The following XKR4 variants were observed in gnomAD, a reference collection of about 807,000 sequenced individuals.
The protein encoded by XKR4 is XK-related protein 4.
A neutral mutation model predicts 53.9 loss-of-function variants in XKR4; 12 were observed. The ratio of observed to expected loss-of-function variants is 0.22; its 90% CI spans 0.14 to 0.36. XKR4 has a LOEUF of 0.36. Ranked by LOEUF, XKR4 falls within the 10% of genes least tolerant of loss-of-function variation. XKR4 has a pLI of 1.00. For missense variants in XKR4, 799 were observed against 859.5 expected (o/e 0.93, Z 0.88); for synonymous variants, 354 against 362.4 (o/e 0.98, Z 0.26).
intron 2 of XKR4, among the ~76,000 whole-genome samples, chr8:55,382,423 T>C (rs951096931): frequency 2.6e-5 from 4 of 152,226 alleles, no homozygotes; most frequent in African/African-American, 7.2e-5. Flanking sequence ...ACTGAATTAC[T>C]GAAGGGTGAT....
chr8:55,292,631 C>T (rs1819046376), intron 1 of XKR4, among the ~76,000 whole-genome samples: 1 of 151,934 alleles, frequency 6.6e-6, no homozygotes, highest in Non-Finnish European at 1.5e-5. Flanking sequence ...TTTTTAATTT[C>T]ATTGATTTCT....
chr8:55,207,295 A>G (rs1259414247), intron 1 of XKR4, among the ~76,000 whole-genome samples: 3 of 152,192 alleles, frequency 2.0e-5, no homozygotes, highest in Admixed American at 6.5e-5. Flanking sequence ...TGTTCCTCCC[A>G]CAGTGGGACA....
intron 2 of XKR4, chr8:55,454,354 C>G (rs970506646): frequency 1.2e-5 from 18 of 1,508,954 alleles, no homozygotes; most frequent in African/African-American, 1.4e-5. Flanking sequence ...GCAGCTGGGC[C>G]GGCAGGATGG....
intron 2 of XKR4, chr8:55,451,670 C>G: frequency 6.5e-7 from 1 of 1,547,814 alleles, no homozygotes; most frequent in Non-Finnish European, 8.8e-7. Context: ...CTCTGGGGCA[C>G]GATCAGCAGC....
At position 55,540,133 on chromosome 8, in the gene XKR4, T is replaced by C. The variant is rs1040920345; in HGVS notation, c.*15906T>C. ...CTCTCCAGAGCCCTCCTTGAAAGTT[T>C]TTAGAAAAACTACCATTTTCAGCAA... On this transcript the variant is annotated 3_prime_UTR_variant, in exon 3 of 3. Transcript: ENST00000327381. The C allele has an allele frequency of 6.6e-6, 1 of 152,200 alleles. No individual in the cohort carries two copies. Among genetic ancestry groups the C allele is most frequent in the Non-Finnish European group, 1.5e-5 (1 of 68,024 alleles). 9.4% of individuals were successfully genotyped at this position (152,200 alleles called of 1,614,324 possible).
At chr8:55,237,229 T>C (rs892163240) in intron 1 of XKR4, among the ~76,000 whole-genome samples, 1 of 152,180 alleles carries the variant, frequency 6.6e-6, no homozygotes, top group Non-Finnish European at 1.5e-5. Context: ...TTAAAAAACA[T>C]GAGGGTTAGG....
At chr8:55,198,881 T>A (rs1030963227) in intron 1 of XKR4, among the ~76,000 whole-genome samples, 14 of 152,200 alleles carry the variant, frequency 9.2e-5, no homozygotes, top group Non-Finnish European at 1.3e-4. Context: ...TATCTTGATG[T>A]CTACAGAAAA....
intron 1 of XKR4, among the ~76,000 whole-genome samples, chr8:55,157,875 T>C (rs1016182999): frequency 7.2e-5 from 11 of 152,212 alleles, no homozygotes; most frequent in African/African-American, 2.7e-4. Flanking sequence ...TTTATGGCTG[T>C]GTAGTATTCC....
intron 1 of XKR4, among the ~76,000 whole-genome samples, chr8:55,256,408 C>A (rs111264405): frequency 1.3e-3 from 202 of 152,162 alleles, no homozygotes; most frequent in African/African-American, 4.7e-3. Flanking sequence ...TTCTGGGAAA[C>A]TATTCAGTGG....
intron 1 of XKR4, among the ~76,000 whole-genome samples, chr8:55,109,205 T>C (rs1816198622): frequency 6.6e-6 from 1 of 152,134 alleles, no homozygotes; most frequent in African/African-American, 2.4e-5. Context: ...TGTCGAAGCA[T>C]AGTCAGGAAA....
Position 55,537,354 on chromosome 8 carries a change from G to A in XKR4, c.*13127G>A, listed in dbSNP as rs1807044969. ...CATTTCTTCATTGTGACTGTAGGAA[G>A]CTGAGCTTGTTTCTCCTAATTTGAC... On this transcript the variant is annotated 3_prime_UTR_variant, in exon 3 of 3. Coordinates refer to ENST00000327381, the MANE Select transcript of XKR4 (RefSeq NM_052898.2). 6.6e-6 allele frequency: 1 copy of A among 152,224 alleles called. No individual in the cohort carries two copies. Among genetic ancestry groups the A allele is most frequent in the Non-Finnish European group, 1.5e-5 (1 of 68,044 alleles). The allele number at this position is 152,224 out of a possible 1,614,324, so 9.4% of individuals were successfully genotyped here. A position where few individuals can be genotyped will look rare whatever the true frequency, so the allele number is the denominator to read the frequency against.
At chr8:55,115,987 G>A (rs1017690706) in intron 1 of XKR4, among the ~76,000 whole-genome samples, 2 of 152,202 alleles carry the variant, frequency 1.3e-5, no homozygotes, top group African/African-American at 4.8e-5. Context: ...GATGCTGAGG[G>A]AACCATTGGC....
intron 1 of XKR4, among the ~76,000 whole-genome samples, chr8:55,271,090 C>CT (rs567245943): frequency 6.3e-4 from 95 of 151,428 alleles, no homozygotes; most frequent in African/African-American, 1.7e-3. Flanking sequence ...CAGACTTCCC[C>CT]TTTTTTTTTA....
chr8:55,407,779 AGTT>A (rs1804708994), intron 2 of XKR4, among the ~76,000 whole-genome samples: 1 of 152,246 alleles, frequency 6.6e-6, no homozygotes, highest in South Asian at 2.1e-4. Flanking sequence ...TAAATATTTC[AGTT>A]AAGCAGTCTC....
At chr8:55,373,624 A>G (rs1449005567) in intron 2 of XKR4, among the ~76,000 whole-genome samples, 2 of 152,186 alleles carry the variant, frequency 1.3e-5, no homozygotes, top group African/African-American at 2.4e-5. Flanking sequence ...GTTATCTAAA[A>G]CATTGAGTTA....
chr8:55,266,612 G>T (rs1818605468), intron 1 of XKR4, among the ~76,000 whole-genome samples: 1 of 152,186 alleles, frequency 6.6e-6, no homozygotes, highest in Non-Finnish European at 1.5e-5. Context: ...TACATGGAGA[G>T]GGAGGGAAAA....
chr8:55,120,066 G>A (rs1459793364), intron 1 of XKR4, among the ~76,000 whole-genome samples: 5 of 152,182 alleles, frequency 3.3e-5, no homozygotes, highest in Non-Finnish European at 7.3e-5. Context: ...GCATGAACAT[G>A]TGTGCAAGTC....
chr8:55,443,530 T>TAAAAAAAAAAAAAAAAAAAA (rs751152509), intron 2 of XKR4, among the ~76,000 whole-genome samples: 4 of 74,010 alleles, frequency 5.4e-5, no homozygotes, highest in Non-Finnish European at 6.9e-5. Context: ...TCAGTTACAT[T>TAAAAAAAAAAAAAAAAAAAA]AAAAAAAAAA....
intron 1 of XKR4, among the ~76,000 whole-genome samples, chr8:55,254,236 C>T (rs970497342): frequency 6.6e-6 from 1 of 152,020 alleles, no homozygotes; most frequent in Admixed American, 6.6e-5. Context: ...TCTCACAGCC[C>T]TTCTCTTCCA....
Sources: allele counts gnomAD v4.1 joint callset (sites outside exome capture counted in the v4.1 genomes callset), GRCh38; gene constraint gnomAD v4.1.1; transcripts MANE v1.5; gene names NCBI Gene and HGNC (gene_info 2026-07-23, HGNC 2026-07-21).